Variants in DNAH14 observed in about 807,000 individuals in gnomAD.
DNAH14 encodes the protein dynein axonemal heavy chain 14, also known as axonemal beta dynein heavy chain 14.
Under a neutral mutation model 520.9 loss-of-function variants are expected in DNAH14, and 478 were observed. The observed-to-expected ratio is 0.92, with a 90% CI of 0.85 to 0.99. The LOEUF is 0.99. Among genes scored for constraint, DNAH14 ranks in the 50% least tolerant of loss-of-function variants. DNAH14 has a pLI of 0.00. For missense variants in DNAH14, 4,831 were observed against 5,234.5 expected, an observed-to-expected ratio of 0.92 and a Z score of 2.38; for synonymous variants, 1,581 against 1,757.2, an observed-to-expected ratio of 0.90 and a Z score of 2.51.
rs144436577 is a variant in DNAH14 at position 225,124,639 on chromosome 1, A to G, written c.4254+1025A>G. Among the ~76,000 whole-genome samples the G allele has an allele frequency of 2.9e-3, 442 of 152,262 alleles. 2 individuals are homozygous for G. The highest frequency in any genetic ancestry group is 6.0e-3 in the Admixed American group (92 of 15,286). On this transcript the variant is annotated intron_variant, in intron 27 of 85. Coordinates refer to ENST00000682510, the MANE Select transcript of DNAH14 (RefSeq NM_001367479.1). The stretch of plus-strand genomic sequence containing the variant: ...CTAGTTCTCTTGCTATTTCCACCAC[A>G]TCTACAGTTACTTCCACTGAAGTCT...
chr1:225,262,066 T>C (rs1183803578), intron 46 of DNAH14, among the ~76,000 whole-genome samples: 1 of 151,970 alleles, frequency 6.6e-6, no homozygotes, highest in Non-Finnish European at 1.5e-5. Context: ...AACATACAAA[T>C]AAAGCTTTCC....
intron 64 of DNAH14, among the ~76,000 whole-genome samples, chr1:225,326,636 A>G (rs1365466043): frequency 6.6e-6 from 1 of 151,984 alleles, no homozygotes; most frequent in Admixed American, 6.6e-5. Flanking sequence ...AACCCAAGAA[A>G]GAAAAAAAAA....
intron 80 of DNAH14, among the ~76,000 whole-genome samples, chr1:225,381,166 G>A (rs570655601): frequency 3.3e-5 from 5 of 152,250 alleles, no homozygotes; most frequent in East Asian, 3.9e-4. Flanking sequence ...TAGTGTGGCC[G>A]CACCCACACT....
At chr1:225,056,041 G>A (rs1489711124) in intron 17 of DNAH14, among the ~76,000 whole-genome samples, 1 of 151,822 alleles carries the variant, frequency 6.6e-6, no homozygotes, top group Non-Finnish European at 1.5e-5. Context: ...AATCCTTTGG[G>A]TATATACCCA....
intron 35 of DNAH14, among the ~76,000 whole-genome samples, chr1:225,167,076 C>A (rs2082104016): frequency 6.6e-6 from 1 of 152,254 alleles, no homozygotes; most frequent in Non-Finnish European, 1.5e-5. Flanking sequence ...TAAGTTCAGG[C>A]CTGAAGTGGG....
chr1:225,103,249 A>G (rs2075684905), intron 23 of DNAH14, among the ~76,000 whole-genome samples: 1 of 152,182 alleles, frequency 6.6e-6, no homozygotes, highest in Non-Finnish European at 1.5e-5. Flanking sequence ...ATTGATCTAT[A>G]TCTCTGTTTT....
rs929605728 is a variant in DNAH14, at chr1:225,139,951, A to C, written c.4255-817A>C. 3.3e-5 allele frequency among the ~76,000 whole-genome samples: 5 copies of C among 152,224 alleles called. No individual in the cohort carries two copies. In the South Asian group the frequency reaches 6.2e-4, roughly 19 times the overall value. On this transcript the variant is annotated intron_variant, in intron 27 of 85. Coordinates refer to ENST00000682510, the MANE Select transcript of DNAH14 (RefSeq NM_001367479.1). The stretch of plus-strand genomic sequence containing the variant: ...GCTTGCAACATCCTTTAGGAAAGCC[A>C]GTTCATTTCTGTTGCATGTAACCAA...
chr1:224,976,990 A>G (rs2061895346), intron 8 of DNAH14, among the ~76,000 whole-genome samples: 1 of 151,196 alleles, frequency 6.6e-6, no homozygotes, highest in African/African-American at 2.4e-5. Flanking sequence ...ATTACTGGGT[A>G]TATACCCAAA....
intron 11 of DNAH14, among the ~76,000 whole-genome samples, chr1:225,037,882 A>G (rs1445914667): frequency 6.6e-6 from 1 of 151,968 alleles, no homozygotes; most frequent in East Asian, 1.9e-4. Context: ...GGGTTTCTCC[A>G]TGTTGGTCAG....
intron 60 of DNAH14, among the ~76,000 whole-genome samples, chr1:225,316,872 T>G (rs1221230160): frequency 6.6e-6 from 1 of 152,232 alleles, no homozygotes; most frequent in Non-Finnish European, 1.5e-5. Flanking sequence ...TCTGTGATCA[T>G]TTCTTCATAT....
intron 35 of DNAH14, among the ~76,000 whole-genome samples, chr1:225,161,326 A>G (rs1220377321): frequency 6.6e-6 from 1 of 152,102 alleles, no homozygotes; most frequent in Non-Finnish European, 1.5e-5. Flanking sequence ...GGTTCCATCT[A>G]TGTTGTTGCA....
intron 10 of DNAH14, among the ~76,000 whole-genome samples, chr1:225,022,380 A>G (rs77680089): frequency 0.053 from 8,020 of 152,302 alleles, 319 homozygotes; most frequent in Non-Finnish European, 0.078. Flanking sequence ...TCCAGAGTCT[A>G]TAAGGCTCTT....
chr1:225,124,380 A>C (rs963914906), intron 27 of DNAH14, among the ~76,000 whole-genome samples: 2 of 152,244 alleles, frequency 1.3e-5, no homozygotes, highest in African/African-American at 4.8e-5. Context: ...AAATTCTTTC[A>C]AAATTGGAGT....
At chr1:224,938,989 G>A (rs748621180) in intron 1 of DNAH14, among the ~76,000 whole-genome samples, 31 of 152,064 alleles carry the variant, frequency 2.0e-4, no homozygotes, top group East Asian at 1.2e-3. Context: ...AGTGGCTCTC[G>A]TGCAAATAGA....
chr1:225,373,487 A>AG (rs1323466044), intron 77 of DNAH14, among the ~76,000 whole-genome samples: 3 of 121,150 alleles, frequency 2.5e-5, no homozygotes, highest in Non-Finnish European at 5.3e-5. Context: ...GAAGGGAGGG[A>AG]GGGAGGGGGA....
chr1:225,144,493 C>T lies in DNAH14; in HGVS notation c.4605C>T (p.Thr1535=). 1.9e-6 allele frequency: 3 copies of T among 1,551,378 alleles called. No homozygotes were observed. The highest frequency in any genetic ancestry group is 2.6e-6 in the Non-Finnish European group (3 of 1,146,960). The change falls in exon 29 of 86, where the codon ACC becomes ACT. Residue 1535 remains threonine, a synonymous_variant. Coordinates refer to ENST00000682510, the MANE Select transcript of DNAH14 (RefSeq NM_001367479.1). ...ATGGCTATGAGTACTTGGGCTGTAC[C>T]TCAAGATTGGTTATTACGCCTCTCA... ...FTYGYEYLGC[T]SRLVITPLTD...
Position 225,282,619 on chromosome 1 carries a change from G to T in DNAH14, c.8271+5117G>T, listed in dbSNP as rs369616781. ...AGGCCAGTTACTATTGTTAGCAACTGGAAGTTAATTACATAAGGGAATCTC... is the reference window on the plus strand; with the variant it reads ...AGGCCAGTTACTATTGTTAGCAACTTGAAGTTAATTACATAAGGGAATCTC... On this transcript the variant is annotated intron_variant, in intron 54 of 85. Coordinates refer to ENST00000682510, the MANE Select transcript of DNAH14 (RefSeq NM_001367479.1). Among the ~76,000 whole-genome samples, 13 of 152,286 alleles carry T rather than the reference G, an allele frequency of 8.5e-5. 1 individual carries two copies. The highest frequency in any genetic ancestry group is 3.1e-4 in the African/African-American group (13 of 41,556).
chr1:224,977,499 A>T lies in DNAH14; in HGVS notation c.830+3346A>T, dbSNP rs77582139. On this transcript the variant is annotated intron_variant, in intron 8 of 85. Transcript: ENST00000682510. Reference sequence around the variant, plus strand: ...ACTTAAAGTATAATAATAATAATAAAAAAGAATGTTCTTATGATAAATAAC... The same window carrying T: ...ACTTAAAGTATAATAATAATAATAATAAAGAATGTTCTTATGATAAATAAC... Among the ~76,000 whole-genome samples the T allele has an allele frequency of 9.2e-3, 1,397 of 152,302 alleles. 19 individuals carry two copies. The highest frequency in any genetic ancestry group is 0.032 in the African/African-American group (1,318 of 41,562).
At chr1:225,353,391 G>A (rs16844770) in intron 72 of DNAH14, among the ~76,000 whole-genome samples, 36,852 of 151,840 alleles carry the variant, frequency 0.24, 4,666 homozygotes, top group East Asian at 0.35. Context: ...TTCCCATATC[G>A]TTATAGCTGG....
Sources: allele counts gnomAD v4.1 joint callset (sites outside exome capture counted in the v4.1 genomes callset), GRCh38; gene constraint gnomAD v4.1.1; transcripts MANE v1.5; gene names NCBI Gene and HGNC (gene_info 2026-07-23, HGNC 2026-07-21).